TIGAR: variants seen among roughly 807,000 people sequenced by gnomAD.
TIGAR encodes the protein fructose-2,6-bisphosphatase TIGAR.
A neutral mutation model predicts 17.9 loss-of-function variants in TIGAR; 7 were observed. The ratio of observed to expected loss-of-function variants is 0.39; its 90% confidence interval spans 0.22 to 0.73. TIGAR has a LOEUF of 0.73. Ranked by LOEUF, TIGAR falls within the 30% of genes least tolerant of loss-of-function variation. The probability of loss-of-function intolerance (pLI) is 0.42; values close to 1 mark genes in which losing one functional copy is unlikely to be tolerated. For missense variants in TIGAR, 258 were observed against 327.4 expected, an observed-to-expected ratio of 0.79 and a Z score of 1.64; for synonymous variants, 94 against 108.6, an observed-to-expected ratio of 0.87 and a Z score of 0.84.
At chr12:4,331,234 A>G (rs373922309) in intron 1 of TIGAR, 46 bp from the exon 2 acceptor site, 1 of 1,543,622 alleles carries the variant, frequency 6.5e-7, no homozygotes, top group Admixed American at 1.7e-5. Context: ...CCTCTCAAAA[A>G]CAGTATAATT....
intron 2 of TIGAR, among the ~76,000 whole-genome samples, chr12:4,331,570 T>C (rs1591660264): frequency 2.0e-5 from 3 of 152,372 alleles, no homozygotes; most frequent in South Asian, 4.1e-4. Flanking sequence ...AAAGTGGCTC[T>C]GTCAGCTGAT....
intron 1 of TIGAR, among the ~76,000 whole-genome samples, chr12:4,328,742 G>C (rs1356715439): frequency 1.3e-5 from 2 of 151,326 alleles, no homozygotes; most frequent in Non-Finnish European, 2.9e-5. Flanking sequence ...ATGCCTGGCT[G>C]ATTTTTGTAT....
At position 4,346,698 on chromosome 12, in the gene TIGAR, T is replaced by G. The variant is rs567715451; in HGVS notation, c.193-3121T>G. ...GCAGCACACCAACATGGCACATGTA[T>G]ACATATGTAACAAACCTGCACGTCG... On this transcript the variant is annotated intron_variant, in intron 3 of 5. Coordinates refer to ENST00000179259, the MANE Select transcript of TIGAR (RefSeq NM_020375.3). 9.7e-3 allele frequency among the ~76,000 whole-genome samples: 1,477 copies of G among 152,156 alleles called. 26 individuals carry two copies. Among genetic ancestry groups the G allele is most frequent in the African/African-American group, 0.033 (1,384 of 41,474 alleles).
chr12:4,344,761 GC>G (rs1357950804), intron 3 of TIGAR, among the ~76,000 whole-genome samples: 1 of 152,130 alleles, frequency 6.6e-6, no homozygotes, highest in Non-Finnish European at 1.5e-5. Context: ...GGAAGTTCTG[GC>G]CAGGGCAATC....
chr12:4,344,788 A>G lies in TIGAR; in HGVS notation c.193-5031A>G, dbSNP rs528829034. On this transcript the variant is annotated intron_variant, in intron 3 of 5. Transcript: ENST00000179259. ...CAGGGCAATCAGGCAGGAGAAAGAA[A>G]TAAAGGGTATTCAATTAGGAAAAGA... Among the ~76,000 whole-genome samples, 211 of 152,320 alleles carry G rather than the reference A, an allele frequency of 1.4e-3. 1 individual carries two copies. Among genetic ancestry groups the G allele is most frequent in the African/African-American group, 4.5e-3 (186 of 41,576 alleles).
intron 2 of TIGAR, among the ~76,000 whole-genome samples, chr12:4,336,446 GCA>G (rs10595001): frequency 0.14 from 19,723 of 138,178 alleles, 1,365 homozygotes; most frequent in East Asian, 0.33. Flanking sequence ...CAGCAATGCA[GCA>G]CACACACACA....
At chr12:4,327,158 C>T (rs1287601873) in intron 1 of TIGAR, among the ~76,000 whole-genome samples, 1 of 152,098 alleles carries the variant, frequency 6.6e-6, no homozygotes, top group Non-Finnish European at 1.5e-5. Context: ...CCTATAATCC[C>T]AGCACTTTGG....
chr12:4,337,858 T>G (rs1351867725), intron 3 of TIGAR, among the ~76,000 whole-genome samples: 1 of 152,200 alleles, frequency 6.6e-6, no homozygotes, highest in Admixed American at 6.5e-5. Context: ...CAGTTGGGCA[T>G]GGTGGCTCAT....
Position 4,356,174 on chromosome 12 carries a change from G to A in TIGAR, c.*3483G>A, listed in dbSNP as rs12304233. On this transcript the variant is annotated 3_prime_UTR_variant, in exon 6 of 6. Coordinates refer to ENST00000179259, the MANE Select transcript of TIGAR (RefSeq NM_020375.3). The stretch of plus-strand genomic sequence containing the variant: ...GGAGGCAGGGAAGATGGCAGCACTG[G>A]CTGTTGGGCCATTTGAAGAAGCAAG... Among the ~76,000 whole-genome samples, 8,167 of 152,192 alleles carry A rather than the reference G, an allele frequency of 0.054. 496 individuals carry two copies. The highest frequency in any genetic ancestry group is 0.26 in the East Asian group (1,344 of 5,164).
At position 4,359,336 on chromosome 12, in the gene TIGAR, G is replaced by A; in HGVS notation, c.*6645G>A. ...CCTTTCAGGCTGGCTCTTATGTTCTGGTGACATAATCTCATCCTTCTTTAA... is the reference window on the plus strand; with the variant it reads ...CCTTTCAGGCTGGCTCTTATGTTCTAGTGACATAATCTCATCCTTCTTTAA... On this transcript the variant is annotated 3_prime_UTR_variant, in exon 6 of 6. Coordinates refer to ENST00000179259, the MANE Select transcript of TIGAR (RefSeq NM_020375.3). 6.6e-6 allele frequency among the ~76,000 whole-genome samples: 1 copy of A among 152,006 alleles called. No homozygotes were observed. Among genetic ancestry groups the A allele is most frequent in the East Asian group, 1.9e-4 (1 of 5,180 alleles).
intron 1 of TIGAR, among the ~76,000 whole-genome samples, chr12:4,330,803 A>G (rs7975585): frequency 0.44 from 67,553 of 152,026 alleles, 15,336 homozygotes; most frequent in South Asian, 0.49. Flanking sequence ...CTGAAGACCT[A>G]GGAACTAAGA....
chr12:4,351,682 C>A (rs186436729), intron 5 of TIGAR, among the ~76,000 whole-genome samples: 1 of 152,202 alleles, frequency 6.6e-6, no homozygotes, highest in Non-Finnish European at 1.5e-5. Flanking sequence ...GCAAGTCACT[C>A]GAGGTGAAAT....
intron 3 of TIGAR, among the ~76,000 whole-genome samples, chr12:4,340,261 A>G (rs545502373): frequency 6.6e-6 from 1 of 152,374 alleles, no homozygotes; most frequent in South Asian, 2.1e-4. Context: ...TGAATATGCC[A>G]ACAATGAATA....
intron 3 of TIGAR, among the ~76,000 whole-genome samples, chr12:4,340,881 A>G (rs1302345527): frequency 6.6e-6 from 1 of 152,218 alleles, no homozygotes; most frequent in African/African-American, 2.4e-5. Flanking sequence ...CCATATACAA[A>G]TATCAAATAA....
intron 3 of TIGAR, among the ~76,000 whole-genome samples, chr12:4,347,563 G>A (rs138636209): frequency 6.6e-6 from 1 of 152,232 alleles, no homozygotes; most frequent in African/African-American, 2.4e-5. Context: ...TGGATCATTC[G>A]TAACAAAAAG....
In TIGAR at chr12:4,321,395, C is replaced by G. The variant is rs11063080; in HGVS notation, c.32+92C>G. ...GAAAACGGGTCCACCACCCTCTCCCCTCCCTGCTCGCTCCAGCCCGGGAGG... is the reference window on the plus strand; with the variant it reads ...GAAAACGGGTCCACCACCCTCTCCCGTCCCTGCTCGCTCCAGCCCGGGAGG... On this transcript the variant is annotated intron_variant, in intron 1 of 5. Transcript: ENST00000179259. The surrounding 1 kb of genome is among the most constrained non-coding windows in gnomAD (Gnocchi z 5.2). 464,979 of 1,552,480 alleles carry G rather than the reference C, an allele frequency of 0.3. 70,661 individuals are homozygous for G. Among genetic ancestry groups the G allele is most frequent in the Admixed American group, 0.38 (22,455 of 58,804 alleles).
intron 1 of TIGAR, chr12:4,324,410 C>T (rs1864514559): frequency 3.6e-6 from 5 of 1,380,352 alleles, no homozygotes; most frequent in Non-Finnish European, 5.2e-6. Context: ...TGGGTGGCCC[C>T]GATGCCGGGC....
Position 4,355,194 on chromosome 12 carries a change from T to C in TIGAR, c.*2503T>C, listed in dbSNP as rs1259295190. ...TTTGAGAACTTCTGAATGTCAAATC[T>C]TGAAATTGAAATTTGCTTTTTATAG... is the stretch of plus-strand genomic sequence containing the variant. On this transcript the variant is annotated 3_prime_UTR_variant, in exon 6 of 6. Coordinates refer to ENST00000179259, the MANE Select transcript of TIGAR (RefSeq NM_020375.3). 6.6e-6 allele frequency among the ~76,000 whole-genome samples: 1 copy of C among 152,218 alleles called. No individual in the cohort carries two copies. Among genetic ancestry groups the C allele is most frequent in the Non-Finnish European group, 1.5e-5 (1 of 68,030 alleles).
rs138216166 is a variant in TIGAR at position 4,344,506 on chromosome 12, G to A, written c.193-5313G>A. Among the ~76,000 whole-genome samples, 1,438 of 152,194 alleles carry A rather than the reference G, an allele frequency of 9.4e-3. 19 individuals are homozygous for A. The highest frequency in any genetic ancestry group is 0.032 in the African/African-American group (1,317 of 41,522). On this transcript the variant is annotated intron_variant, in intron 3 of 5. Coordinates refer to ENST00000179259, the MANE Select transcript of TIGAR (RefSeq NM_020375.3). Reference sequence around the variant, plus strand: ...ATACTGGCAAACCGAATCCAGCAGCGCAACAAAAAGCTTATCCACCATGAT... The same window carrying A: ...ATACTGGCAAACCGAATCCAGCAGCACAACAAAAAGCTTATCCACCATGAT...
Sources: gnomAD v4.1 joint callset for allele counts (sites outside exome capture counted in the v4.1 genomes callset) on GRCh38, gnomAD v4.1.1 for gene constraint, Gnocchi (gnomAD v3.1) non-coding constraint, MANE v1.5 for transcripts, NCBI Gene and HGNC (gene_info 2026-07-23, HGNC 2026-07-21) for gene names.